The following CTNNA2 variants were observed in gnomAD, a reference collection of about 807,000 sequenced individuals.
The protein encoded by CTNNA2 is catenin alpha-2.
Under a neutral mutation model 101.0 loss-of-function variants are expected in CTNNA2, and 42 were observed. The observed-to-expected ratio is 0.42, with a 90% CI of 0.32 to 0.54. The LOEUF (loss-of-function observed/expected upper bound fraction) is 0.54, where lower values mean the gene tolerates loss of function less well. Among genes scored for constraint, CTNNA2 ranks in the 20% least tolerant of loss-of-function variants. The pLI is 0.14. For synonymous variants in CTNNA2, 450 were observed against 456.4 expected, an observed-to-expected ratio of 0.99 and a Z score of 0.18; for missense variants, 871 against 1,223.1, an observed-to-expected ratio of 0.71 and a Z score of 4.29.
Position 79,955,753 on chromosome 2 carries a change from C to T in CTNNA2, c.1056+45956C>T, listed in dbSNP as rs553557893. On this transcript the variant is annotated intron_variant, in intron 7 of 18. Transcript: ENST00000402739. ...CTTGTTTGGAACTCCTGGGCTTAAG[C>T]GATCCTTCTGCCTTGGCCTCCCAAA... 1.9e-3 allele frequency among the ~76,000 whole-genome samples: 296 copies of T among 152,190 alleles called. 1 individual carries two copies. Among genetic ancestry groups the T allele is most frequent in the African/African-American group, 6.7e-3 (278 of 41,520 alleles).
At chr2:80,581,435 T>C (rs999936347) in intron 13 of CTNNA2, among the ~76,000 whole-genome samples, 5 of 152,178 alleles carry the variant, frequency 3.3e-5, no homozygotes, top group Admixed American at 6.5e-5. Flanking sequence ...ACAGATATCA[T>C]TTTTCTTAAA....
chr2:79,969,833 G>T (rs55652046), intron 7 of CTNNA2, among the ~76,000 whole-genome samples: 35,047 of 152,098 alleles, frequency 0.23, 4,319 homozygotes, highest in East Asian at 0.39. Context: ...TCTGTTCAAG[G>T]TATTGTTTGG....
At chr2:79,325,682 C>G (rs1676730399) in intron 3 of CTNNA2, among the ~76,000 whole-genome samples, 1 of 152,210 alleles carries the variant, frequency 6.6e-6, no homozygotes. Flanking sequence ...GTTATAGCAG[C>G]ATCACCTTCT....
intron 9 of CTNNA2, among the ~76,000 whole-genome samples, chr2:80,430,949 ATTG>A (rs1681440420): frequency 6.6e-6 from 1 of 152,150 alleles, no homozygotes; most frequent in Non-Finnish European, 1.5e-5. Flanking sequence ...ATAACCTTAT[ATTG>A]TTAAGATCAG....
chr2:79,830,878 G>C (rs1442574494), intron 3 of CTNNA2, among the ~76,000 whole-genome samples: 6 of 152,118 alleles, frequency 3.9e-5, no homozygotes, highest in Non-Finnish European at 8.8e-5. Context: ...TTATTATTCA[G>C]TGCCTGCCAG....
At chr2:80,215,738 G>A (rs936539065) in intron 7 of CTNNA2, among the ~76,000 whole-genome samples, 27 of 152,296 alleles carry the variant, frequency 1.8e-4, no homozygotes, top group Non-Finnish European at 3.2e-4. Context: ...CAGTCTGTCC[G>A]TTCTCAGATC....
intron 18 of CTNNA2, among the ~76,000 whole-genome samples, chr2:80,636,258 C>T (rs1168669804): frequency 1.3e-5 from 2 of 151,774 alleles, no homozygotes; most frequent in South Asian, 4.2e-4. Flanking sequence ...GACTTAGATG[C>T]TGAGATAAGG....
chr2:80,162,550 A>T, intron 7 of CTNNA2: 1 of 1,607,318 alleles, frequency 6.2e-7, no homozygotes, highest in Non-Finnish European at 8.5e-7. Context: ...AGAAGAAATC[A>T]TCTCTTTCCT....
intron 7 of CTNNA2, among the ~76,000 whole-genome samples, chr2:80,343,809 T>G (rs112267286): frequency 0.02 from 3,074 of 152,264 alleles, 49 homozygotes; most frequent in Non-Finnish European, 0.03. Context: ...GAAAAGAAGA[T>G]GGGTAAGGTC....
intron 7 of CTNNA2, among the ~76,000 whole-genome samples, chr2:80,023,807 G>A (rs765878854): frequency 1.1e-4 from 16 of 152,148 alleles, no homozygotes; most frequent in African/African-American, 2.7e-4. Flanking sequence ...TTAAGGTTTG[G>A]CCGGACGTGG....
intron 7 of CTNNA2, among the ~76,000 whole-genome samples, chr2:79,983,099 C>T (rs1302648658): frequency 6.6e-6 from 1 of 150,826 alleles, no homozygotes; most frequent in Non-Finnish European, 1.5e-5. Context: ...TATATAACCC[C>T]TCAAGGTCCA....
chr2:79,654,911 G>A (rs1182029442), intron 2 of CTNNA2, among the ~76,000 whole-genome samples: 1 of 152,102 alleles, frequency 6.6e-6, no homozygotes, highest in Non-Finnish European at 1.5e-5. Flanking sequence ...TCTGCAGTAA[G>A]AACAAAATTG....
At chr2:79,952,804 A>T (rs1313307506) in intron 7 of CTNNA2, among the ~76,000 whole-genome samples, 2 of 152,204 alleles carry the variant, frequency 1.3e-5, no homozygotes, top group Non-Finnish European at 2.9e-5. Context: ...GGCAGAGTTG[A>T]GTAGTGGTGA....
intron 1 of CTNNA2, among the ~76,000 whole-genome samples, chr2:79,634,975 G>C (rs1185708310): frequency 1.3e-5 from 2 of 152,158 alleles, no homozygotes; most frequent in African/African-American, 4.8e-5. Flanking sequence ...CGATGGGACA[G>C]TGACATGATG....
At chr2:80,221,057 G>A (rs1708545918) in intron 7 of CTNNA2, among the ~76,000 whole-genome samples, 1 of 151,936 alleles carries the variant, frequency 6.6e-6, no homozygotes, top group Non-Finnish European at 1.5e-5. Context: ...TAATTTTGGT[G>A]TTTGTAGTAG....
chr2:79,491,059 T>G (rs573555501), intron 4 of CTNNA2, among the ~76,000 whole-genome samples: 1 of 152,224 alleles, frequency 6.6e-6, no homozygotes, highest in South Asian at 2.1e-4. Context: ...CCTGCAAAAT[T>G]ATAGAGGAAG....
chr2:80,296,791 C>A (rs1675785203), intron 7 of CTNNA2, among the ~76,000 whole-genome samples: 1 of 152,106 alleles, frequency 6.6e-6, no homozygotes, highest in Non-Finnish European at 1.5e-5. Context: ...AGTATCCAGA[C>A]ATCTACCTAC....
At chr2:79,625,219 A>G (rs940822845) in intron 1 of CTNNA2, among the ~76,000 whole-genome samples, 5 of 152,196 alleles carry the variant, frequency 3.3e-5, no homozygotes, top group African/African-American at 1.2e-4. Context: ...CACAGGAAAA[A>G]AGAGGGACTG....
intron 4 of CTNNA2, among the ~76,000 whole-genome samples, chr2:79,451,352 A>C (rs1387606515): frequency 6.6e-6 from 1 of 152,112 alleles, no homozygotes; most frequent in Non-Finnish European, 1.5e-5. Flanking sequence ...AGCCACTATA[A>C]ATTCAGATAC....
Sources: allele counts gnomAD v4.1 joint callset (sites outside exome capture counted in the v4.1 genomes callset), GRCh38; gene constraint gnomAD v4.1.1; transcripts MANE v1.5; gene names NCBI Gene and HGNC (gene_info 2026-07-23, HGNC 2026-07-21).